The following ANKFN1 variants were observed in gnomAD, a reference collection of about 807,000 sequenced individuals.
ANKFN1 encodes the protein ankyrin repeat and fibronectin type III domain containing 1.
A neutral mutation model predicts 108.7 loss-of-function variants in ANKFN1; 74 were observed. That is an observed-to-expected ratio of 0.68 (90% CI 0.56 to 0.83). ANKFN1 has a LOEUF of 0.83. Among genes scored for constraint, ANKFN1 ranks in the 40% least tolerant of loss-of-function variants. The pLI, the probability that ANKFN1 is intolerant of heterozygous loss-of-function variation, is 0.00. For missense variants in ANKFN1, 1,505 were observed against 1,382.3 expected (o/e 1.09, Z -1.41); for synonymous variants, 547 against 516.2 (o/e 1.06, Z -0.81).
At chr17:56,424,909 A>G (rs2048512268) in intron 8 of ANKFN1, among the ~76,000 whole-genome samples, 2 of 152,196 alleles carry the variant, frequency 1.3e-5, no homozygotes, top group Non-Finnish European at 2.9e-5. Context: ...AACTCCAACC[A>G]ACTCTGAGGT....
chr17:56,159,033 CAAAAAAAAAAAA>C (rs57878541), intron 1 of ANKFN1, among the ~76,000 whole-genome samples: 2 of 71,016 alleles, frequency 2.8e-5, no homozygotes, highest in African/African-American at 1.1e-4. Context: ...TGGTCTAGGC[CAAAAAAAAAAAA>C]AAAAAAAAAA....
intron 1 of ANKFN1, among the ~76,000 whole-genome samples, chr17:56,202,063 C>A (rs1914110865): frequency 6.6e-6 from 1 of 152,188 alleles, no homozygotes; most frequent in Non-Finnish European, 1.5e-5. Flanking sequence ...CCCCATTCAT[C>A]CAGTCCTTTA....
At chr17:56,218,903 T>A (rs1476921217) in intron 2 of ANKFN1, among the ~76,000 whole-genome samples, 2 of 152,192 alleles carry the variant, frequency 1.3e-5, no homozygotes, top group Non-Finnish European at 2.9e-5. Flanking sequence ...ATTATCATCT[T>A]TTTTTGGAAA....
At chr17:56,475,220 A>T (rs1442831) in intron 15 of ANKFN1, among the ~76,000 whole-genome samples, 120,040 of 152,164 alleles carry the variant, frequency 0.79, 47,775 homozygotes, top group East Asian at 0.97. Flanking sequence ...TTCTGCTGTA[A>T]GCCTACACTG....
intron 8 of ANKFN1, among the ~76,000 whole-genome samples, chr17:56,399,710 T>C (rs191427997): frequency 3.9e-5 from 6 of 151,938 alleles, no homozygotes; most frequent in African/African-American, 1.4e-4. Context: ...CTCCCACTTA[T>C]CAGTGAGAAC....
At chr17:56,343,684 C>T (rs984164509) in intron 4 of ANKFN1, among the ~76,000 whole-genome samples, 6 of 151,796 alleles carry the variant, frequency 4.0e-5, no homozygotes, top group Non-Finnish European at 8.8e-5. Context: ...TACCTCTCTT[C>T]TTCTCCTGGG....
At chr17:56,112,342 G>A (rs867837846) in intron 4 of ANKFN1, among the ~76,000 whole-genome samples, 16 of 152,138 alleles carry the variant, frequency 1.1e-4, no homozygotes, top group African/African-American at 3.6e-4. Context: ...CTGTTTATGA[G>A]TCATAATGTG....
chr17:56,432,315 G>T (rs931696254), intron 8 of ANKFN1, among the ~76,000 whole-genome samples: 1 of 152,054 alleles, frequency 6.6e-6, no homozygotes, highest in Non-Finnish European at 1.5e-5. Context: ...AGAAGAGTTT[G>T]TCTGAGTTAG....
At chr17:56,083,605 A>G (rs1170896172) in intron 4 of ANKFN1, among the ~76,000 whole-genome samples, 2 of 151,456 alleles carry the variant, frequency 1.3e-5, no homozygotes, top group Non-Finnish European at 3.0e-5. Context: ...CAGAAGCATT[A>G]TGTCAGTGCA....
intron 1 of ANKFN1, among the ~76,000 whole-genome samples, chr17:56,178,887 A>G (rs1365361854): frequency 1.3e-5 from 2 of 152,188 alleles, no homozygotes; most frequent in African/African-American, 4.8e-5. Flanking sequence ...CCCTTAAAAC[A>G]GATTTTGAGA....
At chr17:56,254,274 G>A (rs1393200905) in intron 3 of ANKFN1, 1 of 152,194 alleles carries the variant, frequency 6.6e-6, no homozygotes, top group African/African-American at 2.4e-5. Flanking sequence ...AGAGTGAGAA[G>A]TGTGAATGTT....
At chr17:56,508,947 T>C (rs2051658330) in intron 20 of ANKFN1, among the ~76,000 whole-genome samples, 1 of 152,224 alleles carries the variant, frequency 6.6e-6, no homozygotes, top group African/African-American at 2.4e-5. Flanking sequence ...ATTAAATATC[T>C]CTGCCCCAAG....
At chr17:56,459,252 A>G (rs1027158519) in intron 14 of ANKFN1, among the ~76,000 whole-genome samples, 1 of 152,118 alleles carries the variant, frequency 6.6e-6, no homozygotes, top group Admixed American at 6.5e-5. Context: ...CTAGGATCAC[A>G]GGCACCCACT....
rs147221634 is a variant in ANKFN1, at chr17:56,455,675, C to A, written c.1208-1186C>A. Among the ~76,000 whole-genome samples the A allele has an allele frequency of 3.9e-5, 6 of 152,300 alleles. No homozygotes were observed. In the East Asian group the frequency reaches 1.2e-3, roughly 29 times the overall value. ...AGTGATTATGTAGCCCAGCTCCATG[C>A]AATATTATTTGCAAAGGCTGTTATA... is the stretch of plus-strand genomic sequence containing the variant. On this transcript the variant is annotated intron_variant, in intron 11 of 20. Coordinates refer to ENST00000682825, the MANE Select transcript of ANKFN1 (RefSeq NM_001370326.1).
chr17:56,179,438 C>T lies in ANKFN1; in HGVS notation c.-71+25908C>T, dbSNP rs549454335. On this transcript the variant is annotated intron_variant, in intron 1 of 20. Transcript: ENST00000682825. The stretch of plus-strand genomic sequence containing the variant: ...CTGCCCTGTTTGAAATGCAGTACTC[C>T]TGCTCCAGACAACTTGAAGAACGGA... Among the ~76,000 whole-genome samples the T allele has an allele frequency of 2.0e-5, 3 of 152,316 alleles. No homozygotes were observed. The East Asian group carries it at 5.8e-4, about 29-fold the overall frequency.
chr17:56,217,819 G>A (rs1915532972), intron 2 of ANKFN1, among the ~76,000 whole-genome samples: 1 of 152,154 alleles, frequency 6.6e-6, no homozygotes, highest in Non-Finnish European at 1.5e-5. Context: ...CAGTTAAGGG[G>A]TTTTGGGTAT....
intron 10 of ANKFN1, among the ~76,000 whole-genome samples, chr17:56,446,584 T>G (rs2049297986): frequency 6.6e-6 from 1 of 152,220 alleles, no homozygotes; most frequent in Non-Finnish European, 1.5e-5. Flanking sequence ...GTCTGCTCTG[T>G]GCCCCAGATG....
intron 4 of ANKFN1, among the ~76,000 whole-genome samples, chr17:56,048,211 T>A (rs1475350168): frequency 6.6e-6 from 1 of 152,044 alleles, no homozygotes; most frequent in East Asian, 1.9e-4. Context: ...TGCTGTAATC[T>A]GTTTAGCAAT....
intron 1 of ANKFN1, among the ~76,000 whole-genome samples, chr17:56,189,179 T>TTTTGTTTGTTTTTTTTTTTG (rs1555607728): frequency 9.0e-6 from 1 of 111,400 alleles, no homozygotes; most frequent in African/African-American, 4.9e-5. Flanking sequence ...ACTTTTTTTT[T>TTTTGTTTGTTTTTTTTTTTG]TTTTTTTTTG....
Sources: gnomAD v4.1 joint callset for allele counts (sites outside exome capture counted in the v4.1 genomes callset) on GRCh38, gnomAD v4.1.1 for gene constraint, MANE v1.5 for transcripts, NCBI Gene and HGNC (gene_info 2026-07-23, HGNC 2026-07-21) for gene names.